VPS13C: variants seen among roughly 807,000 people sequenced by gnomAD.
VPS13C encodes the protein vacuolar protein sorting 13 homolog C.
Under a neutral mutation model 456.8 loss-of-function variants are expected in VPS13C, and 358 were observed. The ratio of observed to expected loss-of-function variants is 0.78; its 90% CI spans 0.72 to 0.86. The LOEUF is 0.86. Among genes scored for constraint, VPS13C ranks in the 40% least tolerant of loss-of-function variants. The pLI is 0.00. For synonymous variants in VPS13C, 1,578 were observed against 1,486.7 expected (o/e 1.06, Z -1.41); for missense variants, 4,818 against 4,385.4 (o/e 1.10, Z -2.79).
chr15:61,932,518 C>A (rs922467111), intron 49 of VPS13C, among the ~76,000 whole-genome samples: 3 of 151,144 alleles, frequency 2.0e-5, no homozygotes, highest in African/African-American at 7.3e-5. Flanking sequence ...CTCAGTATGT[C>A]CAGATTTAAA....
chr15:62,021,836 A>C (rs2047472501), intron 8 of VPS13C, among the ~76,000 whole-genome samples: 1 of 151,914 alleles, frequency 6.6e-6, no homozygotes, highest in Non-Finnish European at 1.5e-5. Flanking sequence ...TTTCCGAAGA[A>C]ACTCATTTGT....
Position 61,907,143 on chromosome 15 carries a change from T to A in VPS13C, c.9105+121A>T, listed in dbSNP as rs28413840. The A allele has an allele frequency of 0.54, 798,304 of 1,479,948 alleles. 218,092 individuals are homozygous for A. The highest frequency in any genetic ancestry group is 0.68 in the Admixed American group (39,856 of 58,942). 91.7% of individuals were successfully genotyped at this position (1,479,948 alleles called of 1,614,324 possible). On this transcript the variant is annotated intron_variant, in intron 66 of 84. Coordinates refer to ENST00000644861, the MANE Select transcript of VPS13C (RefSeq NM_020821.3). ...GCCATCTAAAGTCCAAAAGCTACTT[T>A]TTCTGGAAATACTTCCAATTCACTT...
chr15:61,881,293 A>G (rs1432071346), intron 71 of VPS13C, among the ~76,000 whole-genome samples: 1 of 152,126 alleles, frequency 6.6e-6, no homozygotes, highest in Admixed American at 6.6e-5. Context: ...TCACAAATAC[A>G]TATCATTTAG....
At chr15:61,979,649 C>T (rs1295023791) in intron 22 of VPS13C, among the ~76,000 whole-genome samples, 1 of 152,168 alleles carries the variant, frequency 6.6e-6, no homozygotes, top group Non-Finnish European at 1.5e-5. Context: ...CTTGTTCATT[C>T]CCTAATTGAA....
intron 22 of VPS13C, among the ~76,000 whole-genome samples, chr15:61,980,822 TTTTTTA>T (rs1567070124): frequency 6.6e-6 from 1 of 152,126 alleles, no homozygotes; most frequent in African/African-American, 2.4e-5. Context: ...AAGTTTATGT[TTTTTTA>T]TTTTTATCTT....
At chr15:61,914,652 C>T (rs2043405496) in intron 61 of VPS13C, among the ~76,000 whole-genome samples, 1 of 151,036 alleles carries the variant, frequency 6.6e-6, no homozygotes, top group East Asian at 2.0e-4. Flanking sequence ...CCTCTGCCTC[C>T]CGGGTTCAAG....
rs1443894559 is a variant in VPS13C at position 62,006,089 on chromosome 15, A to C, written c.1290+1219T>G. On this transcript the variant is annotated intron_variant, in intron 15 of 84. Transcript: ENST00000644861. ...GTTTTTTTGTTTTTGTTTTTTTTTA[A>C]AGAAATTCTTATTTTTTTTTTATTA... is the stretch of plus-strand genomic sequence containing the variant. Among the ~76,000 whole-genome samples the C allele has an allele frequency of 6.8e-5, 9 of 133,284 alleles. No homozygotes were observed. In the Admixed American group the frequency reaches 7.5e-4, roughly 11 times the overall value. The allele number at this position is 133,284 out of a possible 152,430, so 87.4% of individuals were successfully genotyped here. A position where few individuals can be genotyped will look rare whatever the true frequency, so the allele number is the denominator to read the frequency against.
intron 15 of VPS13C, among the ~76,000 whole-genome samples, 183 bp from the exon 16 acceptor site, chr15:62,000,809 TAA>T (rs2046586642): frequency 6.6e-6 from 1 of 152,146 alleles, no homozygotes; most frequent in South Asian, 2.1e-4. Flanking sequence ...TAAGAGAAAA[TAA>T]GTTTTCTAAG....
In VPS13C at chr15:61,949,616, G is replaced by A. The variant is rs1255671846; in HGVS notation, c.4597-11C>T. On this transcript the variant is annotated splice_polypyrimidine_tract_variant and intron_variant, in intron 41 of 84. Transcript: ENST00000644861. The stretch of plus-strand genomic sequence containing the variant: ...GGATGCAAATGAAACCTAAGATAAT[G>A]AACAATTAAAGAGGCAGATTTCAGA... 9 of 1,587,052 alleles carry A rather than the reference G, an allele frequency of 5.7e-6. No homozygotes were observed. Among genetic ancestry groups the A allele is most frequent in the Non-Finnish European group, 7.7e-6 (9 of 1,173,010 alleles).
Position 61,967,373 on chromosome 15 carries a change from T to A in VPS13C, c.2986A>T (p.Ile996Phe). ...PGLDLLKVEY[I>F]KADKNGPSFQ... Reference sequence around the variant, plus strand: ...AATCATTCTATAGCCCTTACCTTAATATACTCCACTTTCAAAAGATCTAAT... The same window carrying A: ...AATCATTCTATAGCCCTTACCTTAAAATACTCCACTTTCAAAAGATCTAAT... The change falls in exon 29 of 85, where the codon ATT becomes TTT. Residue 996 changes from isoleucine to phenylalanine, a missense_variant. By Grantham distance (21) the Ile-to-Phe change is conservative. Transcript: ENST00000644861. The A allele has an allele frequency of 6.2e-7, 1 of 1,604,938 alleles. No individual in the cohort carries two copies. The highest frequency in any genetic ancestry group is 8.5e-7 in the Non-Finnish European group (1 of 1,175,302).
chr15:61,922,166 T>C lies in VPS13C; in HGVS notation c.6976-133A>G, dbSNP rs901923544. 7 of 1,044,012 alleles carry C rather than the reference T, an allele frequency of 6.7e-6. No individual in the cohort carries two copies. The Admixed American group carries it at 1.8e-4, about 27-fold the overall frequency. The allele number at this position is 1,044,012 out of a possible 1,614,324, so 64.7% of individuals were successfully genotyped here. On this transcript the variant is annotated intron_variant, in intron 54 of 84. Coordinates refer to ENST00000644861, the MANE Select transcript of VPS13C (RefSeq NM_020821.3). ...TTTTCAAAACCCATCTAACAATATA[T>C]AGAGTGTATTTTCCTTTACTCTCTT...
At chr15:61,984,063 C>T (rs539857342) in intron 19 of VPS13C, 51 bp from the exon 20 acceptor site, 2 of 1,523,096 alleles carry the variant, frequency 1.3e-6, no homozygotes, top group African/African-American at 2.8e-5. Context: ...CTTTTGTAAT[C>T]TAATGGACTA....
At chr15:61,950,487 T>G in intron 40 of VPS13C, 70 bp from the exon 41 acceptor site, 1 of 1,162,408 alleles carries the variant, frequency 8.6e-7, no homozygotes, top group South Asian at 1.3e-5. Flanking sequence ...AATATACATA[T>G]TCTTTACTTT....
chr15:61,877,448 A>ATTTTTTTTTTTTTTTTTTTTTTTTTT (rs1274515972), intron 74 of VPS13C, among the ~76,000 whole-genome samples: 1 of 151,566 alleles, frequency 6.6e-6, no homozygotes, highest in South Asian at 2.1e-4. Flanking sequence ...TGACATAACC[A>ATTTTTTTTTTTTTTTTTTTTTTTTTT]TTTTTAACGG....
intron 8 of VPS13C, among the ~76,000 whole-genome samples, chr15:62,023,124 AATATT>A (rs1255937326): frequency 6.6e-6 from 1 of 151,962 alleles, no homozygotes; most frequent in Non-Finnish European, 1.5e-5. Flanking sequence ...TTAAAGTTAT[AATATT>A]ATGTCTTAAC....
intron 27 of VPS13C, 83 bp from the exon 28 acceptor site, chr15:61,969,535 A>C: frequency 1.1e-6 from 1 of 917,270 alleles, no homozygotes; most frequent in East Asian, 2.9e-5. Flanking sequence ...TTCTCCATAC[A>C]CATCACCATG....
intron 66 of VPS13C, among the ~76,000 whole-genome samples, chr15:61,902,503 G>A (rs954745844): frequency 1.3e-5 from 2 of 152,002 alleles, no homozygotes; most frequent in African/African-American, 4.8e-5. Flanking sequence ...TCCATCACTA[G>A]GGTCAAATGA....
At chr15:61,928,278 T>C (rs936828942) in intron 51 of VPS13C, among the ~76,000 whole-genome samples, 1 of 151,984 alleles carries the variant, frequency 6.6e-6, no homozygotes, top group Non-Finnish European at 1.5e-5. Context: ...TAAGTATATA[T>C]TATATTGCAG....
chr15:61,906,979 C>T (rs1232677339), intron 66 of VPS13C: 4 of 322,656 alleles, frequency 1.2e-5, no homozygotes, highest in African/African-American at 8.6e-5. Flanking sequence ...CTTAGTCTTA[C>T]AATTCCTTCC....
Sources: allele counts gnomAD v4.1 joint callset (sites outside exome capture counted in the v4.1 genomes callset), GRCh38; gene constraint gnomAD v4.1.1; transcripts MANE v1.5; gene names NCBI Gene and HGNC (gene_info 2026-07-23, HGNC 2026-07-21).